C3orf52: variants seen among roughly 807,000 people sequenced by gnomAD.
The protein encoded by C3orf52 is chromosome 3 open reading frame 52.
A neutral mutation model predicts 24.8 loss-of-function variants in C3orf52; 22 were observed. The ratio of observed to expected loss-of-function variants is 0.89; its 90% CI spans 0.63 to 1.27. The LOEUF (loss-of-function observed/expected upper bound fraction) is 1.27, where lower values mean the gene tolerates loss of function less well. Ranked by LOEUF, C3orf52 falls within the 50% of genes most tolerant of loss-of-function variation. C3orf52 has a pLI of 0.00. For missense variants in C3orf52, 265 were observed against 260.7 expected (o/e 1.02, Z -0.11); for synonymous variants, 93 against 100.2 (o/e 0.93, Z 0.43).
At chr3:112,125,095 A>G in intron 4 of C3orf52, 1 of 698,580 alleles carries the variant, frequency 1.4e-6, no homozygotes, top group Non-Finnish European at 2.6e-6. Context: ...CCGAGTTCAC[A>G]AGCACTGACA....
chr3:112,097,348 A>G (rs1056206416), intron 2 of C3orf52, among the ~76,000 whole-genome samples: 20 of 152,236 alleles, frequency 1.3e-4, no homozygotes, highest in Non-Finnish European at 1.5e-5. Flanking sequence ...GCTTAGAAAC[A>G]TGATTTAAAT....
Position 112,100,344 on chromosome 3 carries a change from T to C in C3orf52, c.269-2494T>C, listed in dbSNP as rs11718587. Among the ~76,000 whole-genome samples the C allele has an allele frequency of 2.0e-3, 300 of 152,340 alleles. 2 individuals are homozygous for C. The highest frequency in any genetic ancestry group is 2.5e-3 in the Admixed American group (38 of 15,304). On this transcript the variant is annotated intron_variant, in intron 2 of 5. Transcript: ENST00000264848. Reference sequence around the variant, plus strand: ...TTCCTTCAACATACAACACATGTTTTTGTGATTTTTAAAAATATGTTTTTT... The same window carrying C: ...TTCCTTCAACATACAACACATGTTTCTGTGATTTTTAAAAATATGTTTTTT...
chr3:112,105,823 C>CA (rs761974909), intron 3 of C3orf52, among the ~76,000 whole-genome samples: 27,987 of 83,100 alleles, frequency 0.34, 3,550 homozygotes, highest in Middle Eastern at 0.43. Context: ...ACTTAGTCTC[C>CA]AAAAAAAAAA....
chr3:112,111,916 G>C (rs1013382359), intron 4 of C3orf52: 9 of 152,050 alleles, frequency 5.9e-5, no homozygotes, highest in African/African-American at 2.2e-4. Context: ...CCCAGCCGTA[G>C]TAGAGTTTAT....
chr3:112,091,974 A>C (rs1559969621), intron 1 of C3orf52, among the ~76,000 whole-genome samples: 2 of 151,572 alleles, frequency 1.3e-5, no homozygotes, highest in African/African-American at 4.9e-5. Context: ...GCTGCACTCC[A>C]GCCTGGGCGA....
downstream of C3orf52, chr3:112,129,154 A>T (rs1201613207): frequency 6.6e-6 from 1 of 152,194 alleles, no homozygotes; most frequent in Non-Finnish European, 1.5e-5. Flanking sequence ...TGCTTACATT[A>T]TCTGCTTTGT....
downstream of C3orf52, among the ~76,000 whole-genome samples, chr3:112,120,519 C>T (rs185802822): frequency 1.5e-3 from 227 of 152,294 alleles, no homozygotes; most frequent in East Asian, 9.6e-4. Context: ...GTACGTGAAA[C>T]GGAAACCACA....
intron 4 of C3orf52, among the ~76,000 whole-genome samples, chr3:112,126,437 A>G (rs2074319444): frequency 6.6e-6 from 1 of 152,146 alleles, no homozygotes; most frequent in Admixed American, 6.5e-5. Context: ...CCTTAACTTC[A>G]GTGCTATTCT....
At position 112,113,397 on chromosome 3, in the gene C3orf52, A is replaced by G. The variant is rs58938674; in HGVS notation, c.649+252A>G. 2.1e-3 allele frequency among the ~76,000 whole-genome samples: 325 copies of G among 152,334 alleles called. 1 individual carries two copies. The highest frequency in any genetic ancestry group is 0.01 in the Middle Eastern group (3 of 294). ...GAGCAATTATGGAAAAGATAATTCA[A>G]CTATAAAGATGAACATTGCTACATG... On this transcript the variant is annotated intron_variant, in intron 5 of 5. Transcript: ENST00000264848.
intron 3 of C3orf52, among the ~76,000 whole-genome samples, chr3:112,108,387 A>C (rs528081171): frequency 6.6e-6 from 1 of 152,002 alleles, no homozygotes; most frequent in Non-Finnish European, 1.5e-5. Flanking sequence ...ATATTTATAC[A>C]TTGCTGGGAG....
In C3orf52 at chr3:112,117,440, T is replaced by G. The variant is rs2074146259; in HGVS notation, c.*794T>G. On this transcript the variant is annotated 3_prime_UTR_variant, in exon 6 of 6. Coordinates refer to ENST00000264848, the MANE Select transcript of C3orf52 (RefSeq NM_024616.3). ...GTTGTTCCTGTGATTCCTGAACACC[T>G]TTTTGGAAATATGGGTCTCTGTGAG... The G allele has an allele frequency of 6.4e-6, 1 of 156,334 alleles. No homozygotes were observed. The highest frequency in any genetic ancestry group is 2.4e-5 in the African/African-American group (1 of 41,588). The allele number at this position is 156,334 out of a possible 1,614,324, so 9.7% of individuals were successfully genotyped here.
chr3:112,102,431 C>G (rs540411422), intron 2 of C3orf52, among the ~76,000 whole-genome samples: 1 of 146,266 alleles, frequency 6.8e-6, no homozygotes, highest in South Asian at 2.2e-4. Flanking sequence ...TTGACCTGAA[C>G]AATTCCTGCA....
chr3:112,119,513 A>G (rs757467259), downstream of C3orf52: 4 of 702,994 alleles, frequency 5.7e-6, no homozygotes, highest in Non-Finnish European at 1.0e-5. Flanking sequence ...TGGGATTTGA[A>G]TAAGAAGATT....
rs530877948 is a variant in C3orf52, at chr3:112,116,286, G to A, written c.650-356G>A. Among the ~76,000 whole-genome samples, 3 of 152,244 alleles carry A rather than the reference G, an allele frequency of 2.0e-5. No individual in the cohort carries two copies. The East Asian group carries it at 5.8e-4, about 29-fold the overall frequency. ...ATTTCTCTCATCAGAATTTCTCACA[G>A]TATATTTTACACGTTTTAAAAACGG... On this transcript the variant is annotated intron_variant, in intron 5 of 5. Transcript: ENST00000264848.
chr3:112,128,291 GC>G, exon 5 of C3orf52: 1 of 671,534 alleles, frequency 1.5e-6, no homozygotes, highest in Non-Finnish European at 2.7e-6. Flanking sequence ...TGTGTTCCCA[GC>G]AAAGGAAAAA....
chr3:112,132,273 T>C (rs1038276607), downstream of C3orf52, among the ~76,000 whole-genome samples: 2 of 152,098 alleles, frequency 1.3e-5, no homozygotes, highest in African/African-American at 4.8e-5. Flanking sequence ...TTTTCCTGTG[T>C]TCCACTCTCC....
chr3:112,101,635 T>C (rs2073972515), intron 2 of C3orf52, among the ~76,000 whole-genome samples: 1 of 152,208 alleles, frequency 6.6e-6, no homozygotes, highest in South Asian at 2.1e-4. Flanking sequence ...TTAACTCTTT[T>C]CTGCACATTC....
At chr3:112,121,603 C>T (rs2074201152), downstream of C3orf52, 1 of 152,184 alleles carries the variant, frequency 6.6e-6, no homozygotes, top group Admixed American at 6.5e-5. Flanking sequence ...GTACAATATC[C>T]ACTGCTAACT....
chr3:112,126,834 G>A (rs567298578), intron 4 of C3orf52, among the ~76,000 whole-genome samples: 1 of 152,326 alleles, frequency 6.6e-6, no homozygotes, highest in East Asian at 1.9e-4. Flanking sequence ...ACCATCTACT[G>A]AGGACAAAGG....
Sources: allele counts gnomAD v4.1 joint callset (sites outside exome capture counted in the v4.1 genomes callset), GRCh38; gene constraint gnomAD v4.1.1; transcripts MANE v1.5; gene names NCBI Gene and HGNC (gene_info 2026-07-23, HGNC 2026-07-21).